The following GLP2R variants were observed in gnomAD, a reference collection of about 807,000 sequenced individuals.
The protein encoded by GLP2R is glucagon-like peptide 2 receptor.
Under a neutral mutation model 68.2 loss-of-function variants are expected in GLP2R, and 59 were observed. The ratio of observed to expected loss-of-function variants is 0.87; its 90% CI spans 0.70 to 1.07. The LOEUF is 1.07. Among genes scored for constraint, GLP2R ranks in the 50% least tolerant of loss-of-function variants. The probability of loss-of-function intolerance (pLI) is 0.00; values close to 1 mark genes in which losing one functional copy is unlikely to be tolerated. For synonymous variants in GLP2R, 270 were observed against 265.4 expected (o/e 1.02, Z -0.17); for missense variants, 548 against 677.4 (o/e 0.81, Z 2.12).
intron 2 of GLP2R, 39 bp from the exon 3 acceptor site, chr17:9,836,332 A>G: frequency 7.3e-7 from 1 of 1,371,854 alleles, no homozygotes; most frequent in Non-Finnish European, 1.0e-6. Context: ...TCCCTGTGCT[A>G]AAACACTGAT....
chr17:9,886,139 C>T (rs530893934), intron 11 of GLP2R, among the ~76,000 whole-genome samples: 2 of 152,318 alleles, frequency 1.3e-5, no homozygotes, highest in Non-Finnish European at 2.9e-5. Flanking sequence ...TTAGAGACTC[C>T]ACCATGGGAA....
At chr17:9,848,997 G>A (rs1228320743) in intron 4 of GLP2R, among the ~76,000 whole-genome samples, 1 of 148,022 alleles carries the variant, frequency 6.8e-6, no homozygotes, top group Non-Finnish European at 1.5e-5. Flanking sequence ...CCTTTAAAAA[G>A]TGCGTCTATT....
At chr17:9,868,380 G>C (rs1001106271) in intron 9 of GLP2R, among the ~76,000 whole-genome samples, 3 of 152,186 alleles carry the variant, frequency 2.0e-5, no homozygotes, top group African/African-American at 7.2e-5. Flanking sequence ...CTGCCAACTT[G>C]TAGGCCCAGA....
At chr17:9,827,359 T>C (rs73976624) in intron 1 of GLP2R, among the ~76,000 whole-genome samples, 2,987 of 152,310 alleles carry the variant, frequency 0.02, 83 homozygotes, top group African/African-American at 0.068. Context: ...AGCAACCCTA[T>C]AGACTGAGGT....
chr17:9,859,144 G>GT (rs1342947741), intron 6 of GLP2R, among the ~76,000 whole-genome samples: 1 of 152,058 alleles, frequency 6.6e-6, no homozygotes, highest in African/African-American at 2.4e-5. Flanking sequence ...ACCGTATGTT[G>GT]TAAGTTCATG....
chr17:9,873,556 C>CTTTTTTTTTTTTT (rs3073988), intron 10 of GLP2R, among the ~76,000 whole-genome samples: 3 of 52,060 alleles, frequency 5.8e-5, no homozygotes, highest in African/African-American at 8.6e-5. Flanking sequence ...TATGCATGGA[C>CTTTTTTTTTTTTT]TTTTTTTTTT....
At chr17:9,876,815 T>TA (rs1407326667) in intron 10 of GLP2R, among the ~76,000 whole-genome samples, 1 of 152,204 alleles carries the variant, frequency 6.6e-6, no homozygotes, top group East Asian at 1.9e-4. Flanking sequence ...AAAATTCGTT[T>TA]AAAAAATTGA....
At chr17:9,874,234 A>G (rs1434105858) in intron 10 of GLP2R, among the ~76,000 whole-genome samples, 3 of 152,080 alleles carry the variant, frequency 2.0e-5, no homozygotes, top group Non-Finnish European at 4.4e-5. Flanking sequence ...TACTGGGGAG[A>G]CCCTCATGGC....
chr17:9,849,729 C>T (rs2066874806), intron 4 of GLP2R, among the ~76,000 whole-genome samples: 1 of 149,340 alleles, frequency 6.7e-6, no homozygotes, highest in African/African-American at 2.5e-5. Context: ...TCTCCTGCCT[C>T]AGCCTCCCGA....
chr17:9,878,183 G>C lies in GLP2R; in HGVS notation c.1146-2195G>C, dbSNP rs114080073. Among the ~76,000 whole-genome samples, 637 of 152,248 alleles carry C rather than the reference G, an allele frequency of 4.2e-3. 10 individuals carry two copies. Among genetic ancestry groups the C allele is most frequent in the African/African-American group, 0.015 (622 of 41,532 alleles). ...AGCCGGGTGGGGGCTGGATGTCACAGCTTCCTTCTAAAGGGACAGCCATTG... is the reference window on the plus strand; with the variant it reads ...AGCCGGGTGGGGGCTGGATGTCACACCTTCCTTCTAAAGGGACAGCCATTG... On this transcript the variant is annotated intron_variant, in intron 10 of 12. Coordinates refer to ENST00000262441, the MANE Select transcript of GLP2R (RefSeq NM_004246.3).
chr17:9,881,672 T>A (rs62066059), intron 11 of GLP2R, among the ~76,000 whole-genome samples: 2 of 136,330 alleles, frequency 1.5e-5, no homozygotes, highest in Admixed American at 6.9e-5. Flanking sequence ...GAGCCACCGC[T>A]CCCCTGCCAG....
chr17:9,836,118 T>A (rs1295527015), intron 2 of GLP2R, among the ~76,000 whole-genome samples: 5 of 152,070 alleles, frequency 3.3e-5, no homozygotes, highest in Admixed American at 1.3e-4. Flanking sequence ...ATGTGTACAT[T>A]GACGTAATTG....
At chr17:9,884,185 A>G (rs772049627) in intron 11 of GLP2R, among the ~76,000 whole-genome samples, 24 of 152,218 alleles carry the variant, frequency 1.6e-4, no homozygotes, top group Non-Finnish European at 2.8e-4. Flanking sequence ...GTTAAGATGC[A>G]TGTTGTAATC....
chr17:9,843,303 CTG>C (rs1324428166), intron 4 of GLP2R, among the ~76,000 whole-genome samples: 1 of 152,250 alleles, frequency 6.6e-6, no homozygotes, highest in Non-Finnish European at 1.5e-5. Context: ...GAGGAACAGT[CTG>C]TGTATTCATA....
intron 4 of GLP2R, among the ~76,000 whole-genome samples, chr17:9,847,877 C>T (rs1397992610): frequency 6.6e-6 from 1 of 152,120 alleles, no homozygotes; most frequent in Non-Finnish European, 1.5e-5. Flanking sequence ...CATCAAGGCG[C>T]AGTGGCTCAT....
rs755529488 is a variant in GLP2R, at chr17:9,859,991, G to A, written c.815G>A (p.Gly272Asp). 2.5e-5 allele frequency: 41 copies of A among 1,613,210 alleles called. No homozygotes were observed. The highest frequency in any genetic ancestry group is 5.9e-6 in the Non-Finnish European group (7 of 1,179,938). ...CAGGTTCTCTTGCATTACTTTGTGG[G>A]TGCCAATTACTTATGGCTGCTGGTT... ...SVQVLLHYFV[G>D]ANYLWLLVEG... The change falls in exon 7 of 13, where the codon GGT becomes GAT. Residue 272 changes from glycine (G) to aspartate (D), a missense_variant. By Grantham distance (94) the Gly-to-Asp change is moderately conservative. Transcript: ENST00000262441.
chr17:9,854,388 T>C (rs2066916936), intron 4 of GLP2R, 107 bp from the exon 5 acceptor site: 2 of 716,522 alleles, frequency 2.8e-6, no homozygotes, highest in Admixed American at 2.1e-5. Flanking sequence ...TTTAAAAAAA[T>C]GTTGGGAGTC....
chr17:9,854,607 T>C lies in GLP2R; in HGVS notation c.611+6T>C, dbSNP rs758684089. On this transcript the variant is annotated splice_donor_region_variant and intron_variant, in intron 5 of 12. Coordinates refer to ENST00000262441, the MANE Select transcript of GLP2R (RefSeq NM_004246.3). ...ACCCTCCTCTTGTTTCTTCGGTGAGTAGAACTTCTGCAGGCATGTGTTCGG... is the reference window on the plus strand; with the variant it reads ...ACCCTCCTCTTGTTTCTTCGGTGAGCAGAACTTCTGCAGGCATGTGTTCGG... 8 of 1,496,072 alleles carry C rather than the reference T, an allele frequency of 5.3e-6. No individual in the cohort carries two copies. The highest frequency in any genetic ancestry group is 7.5e-6 in the Non-Finnish European group (8 of 1,072,240). The allele number at this position is 1,496,072 out of a possible 1,614,324, so 92.7% of individuals were successfully genotyped here.
At chr17:9,840,282 C>A (rs2152033017) in intron 3 of GLP2R, among the ~76,000 whole-genome samples, 1 of 152,286 alleles carries the variant, frequency 6.6e-6, no homozygotes. Context: ...GCCTCTGAGG[C>A]CTCTTCTATA....
Sources: allele counts gnomAD v4.1 joint callset (sites outside exome capture counted in the v4.1 genomes callset), GRCh38; gene constraint gnomAD v4.1.1; transcripts MANE v1.5; gene names NCBI Gene and HGNC (gene_info 2026-07-23, HGNC 2026-07-21).